The following CATSPERT variants were observed in gnomAD, a reference collection of about 807,000 sequenced individuals.
CATSPERT encodes the protein cation channel sperm-associated targeting subunit tau.
chr2:201,508,867 T>G, the CATSPERT span, among the ~76,000 whole-genome samples: 2 of 152,220 alleles, frequency 1.3e-5, no homozygotes, highest in Non-Finnish European at 2.9e-5. Context: ...ATACCACAGT[T>G]TCCTTATCTG....
At chr2:201,601,915 T>G in the CATSPERT span, 1 of 1,522,550 alleles carries the variant, frequency 6.6e-7, no homozygotes, top group Non-Finnish European at 8.9e-7. Context: ...AGGAAATAAA[T>G]TTTGTTGTAA....
At chr2:201,592,270 T>A in the CATSPERT span, among the ~76,000 whole-genome samples, 1 of 149,524 alleles carries the variant, frequency 6.7e-6, no homozygotes, top group Non-Finnish European at 1.5e-5. Context: ...TCTGTTTATA[T>A]GCTGGATTAC....
At chr2:201,548,236 C>T in the CATSPERT span, among the ~76,000 whole-genome samples, 1 of 152,046 alleles carries the variant, frequency 6.6e-6, no homozygotes, top group Admixed American at 6.6e-5. Context: ...TTCTAGAGGC[C>T]AGGAATTCCA....
the CATSPERT span, chr2:201,601,791 T>C: frequency 6.2e-7 from 1 of 1,612,570 alleles, no homozygotes; most frequent in South Asian, 1.1e-5. Flanking sequence ...GTTCTTCTCA[T>C]CGTTTTTGGA....
the CATSPERT span, among the ~76,000 whole-genome samples, chr2:201,613,351 C>A: frequency 0.87 from 132,989 of 152,198 alleles, 59,201 homozygotes; most frequent in South Asian, 0.98. Flanking sequence ...TCTGAGACAA[C>A]GCTTCCAGAA....
At chr2:201,542,251 C>T in the CATSPERT span, among the ~76,000 whole-genome samples, 2 of 151,886 alleles carry the variant, frequency 1.3e-5, no homozygotes, top group East Asian at 1.9e-4. Context: ...GTGTGTATAC[C>T]ACATTTTGTT....
chr2:201,601,005 C>G, the CATSPERT span, among the ~76,000 whole-genome samples: 3 of 152,120 alleles, frequency 2.0e-5, no homozygotes, highest in Admixed American at 6.6e-5. Context: ...CCACTTCAGC[C>G]TCCCAAAGTG....
At chr2:201,570,752 A>C in the CATSPERT span, among the ~76,000 whole-genome samples, 4 of 152,108 alleles carry the variant, frequency 2.6e-5, no homozygotes, top group Admixed American at 6.6e-5. Flanking sequence ...TCTCAACTAA[A>C]GACTGTTCTC....
the CATSPERT span, among the ~76,000 whole-genome samples, chr2:201,605,543 C>T: frequency 2.0e-5 from 3 of 151,926 alleles, no homozygotes; most frequent in Non-Finnish European, 2.9e-5. Context: ...CAACTTCATC[C>T]ATTTAAAAAA....
chr2:201,505,307 C>T, the CATSPERT span, among the ~76,000 whole-genome samples: 1 of 152,146 alleles, frequency 6.6e-6, no homozygotes, highest in Non-Finnish European at 1.5e-5. Context: ...TCTCGAACTC[C>T]TGACCTCAAG....
the CATSPERT span, chr2:201,574,197 A>T: frequency 4.4e-6 from 7 of 1,581,028 alleles, no homozygotes; most frequent in Non-Finnish European, 6.0e-6. Flanking sequence ...CTTTTAAAAG[A>T]GGGGAACTAA....
At chr2:201,605,373 G>C in the CATSPERT span, among the ~76,000 whole-genome samples, 4 of 152,098 alleles carry the variant, frequency 2.6e-5, no homozygotes, top group African/African-American at 7.2e-5. Context: ...ATCATGATGC[G>C]CACTGCTTCT....
the CATSPERT span, among the ~76,000 whole-genome samples, chr2:201,551,203 G>T: frequency 2.0e-5 from 3 of 152,108 alleles, no homozygotes; most frequent in African/African-American, 7.2e-5. Flanking sequence ...AAATGTTTCA[G>T]TTAGTATATC....
chr2:201,516,922 T>C, the CATSPERT span, among the ~76,000 whole-genome samples: 1 of 123,846 alleles, frequency 8.1e-6, no homozygotes, highest in Admixed American at 1.0e-4. Context: ...GCTGGAGTAA[T>C]AGGAAGGCTT....
At chr2:201,567,832 T>C in the CATSPERT span, among the ~76,000 whole-genome samples, 1 of 152,168 alleles carries the variant, frequency 6.6e-6, no homozygotes, top group African/African-American at 2.4e-5. Context: ...AGGTACCTTA[T>C]GGCTGCCGCT....
chr2:201,504,645 C>T, the CATSPERT span, among the ~76,000 whole-genome samples: 28 of 152,306 alleles, frequency 1.8e-4, no homozygotes, highest in East Asian at 7.7e-4. Context: ...CAGGGACTGA[C>T]GGACTGCCCT....
the CATSPERT span, among the ~76,000 whole-genome samples, chr2:201,522,251 T>G: frequency 7.0e-4 from 106 of 152,114 alleles, 1 homozygote; most frequent in South Asian, 0.019. Context: ...ATCTTATACA[T>G]AGAAAAATGT....
At chr2:201,502,908 T>TC in the CATSPERT span, among the ~76,000 whole-genome samples, 1 of 151,910 alleles carries the variant, frequency 6.6e-6, no homozygotes. Context: ...GTTTTTTTTT[T>TC]CTATTTGTGT....
chr2:201,590,830 G>C, the CATSPERT span, among the ~76,000 whole-genome samples: 1 of 150,700 alleles, frequency 6.6e-6, no homozygotes, highest in South Asian at 2.1e-4. Flanking sequence ...TTTTGATGGG[G>C]TTGTTTTTTT....
Sources: allele counts gnomAD v4.1 joint callset (sites outside exome capture counted in the v4.1 genomes callset), GRCh38; gene constraint gnomAD v4.1.1; transcripts MANE v1.5; gene names NCBI Gene and HGNC (gene_info 2026-07-23, HGNC 2026-07-21).